Variants in USP15 observed in about 807,000 individuals in gnomAD.
USP15 encodes ubiquitin specific peptidase 15.
In USP15, 18 loss-of-function variants were observed where a neutral mutation model predicts 127.1. The ratio of observed to expected loss-of-function variants is 0.14; its 90% CI spans 0.10 to 0.21. The LOEUF is 0.21. Ranked by LOEUF, USP15 falls within the 10% of genes least tolerant of loss-of-function variation. The pLI is 1.00. For missense variants in USP15, 805 were observed against 1,159.9 expected, an observed-to-expected ratio of 0.69 and a Z score of 4.44; for synonymous variants, 364 against 393.7, an observed-to-expected ratio of 0.92 and a Z score of 0.89.
chr12:62,413,417 C>T lies in USP15; in HGVS notation c.*9042C>T, dbSNP rs771939259. On this transcript the variant is annotated 3_prime_UTR_variant, in exon 22 of 22. Transcript: ENST00000280377. ...TATGAAAGTCCTGGATGACATCTTC[C>T]AACATAAGACTTTCATCTACATTGA... 6.6e-6 allele frequency: 1 copy of T among 152,186 alleles called. No homozygotes were observed. Among genetic ancestry groups the T allele is most frequent in the African/African-American group, 2.4e-5 (1 of 41,424 alleles). 9.4% of individuals were successfully genotyped at this position (152,186 alleles called of 1,614,324 possible). A position where few individuals can be genotyped will look rare whatever the true frequency, so the allele number is the denominator to read the frequency against.
rs2137727754 is a variant in USP15, at chr12:62,415,691, G to A, written c.*11316G>A. The stretch of plus-strand genomic sequence containing the variant: ...TGACTTAAAACTGCATATTTGCTTA[G>A]CAAACCTATGACTTTTCTCAGAATA... On this transcript the variant is annotated 3_prime_UTR_variant, in exon 22 of 22. Transcript: ENST00000280377. 6.6e-6 allele frequency: 1 copy of A among 152,290 alleles called. No homozygotes were observed. Among genetic ancestry groups the A allele is most frequent in the Non-Finnish European group, 1.5e-5 (1 of 68,036 alleles). 9.4% of individuals were successfully genotyped at this position (152,290 alleles called of 1,614,324 possible).
chr12:62,386,062 AAT>A (rs2067138987), intron 11 of USP15, among the ~76,000 whole-genome samples: 1 of 152,006 alleles, frequency 6.6e-6, no homozygotes, highest in Non-Finnish European at 1.5e-5. Flanking sequence ...CAGCAATGTG[AAT>A]TTCATTGACT....
At position 62,389,653 on chromosome 12, in the gene USP15, A is replaced by G. The variant is rs759746285; in HGVS notation, c.1606A>G (p.Met536Val). The change falls in exon 13 of 22, where the codon ATG becomes GTG. Residue 536 changes from methionine (M) to valine (V), a missense_variant. Transcript: ENST00000280377. The stretch of plus-strand genomic sequence containing the variant: ...TCATAGATTTCACAGAATATTCGCT[A>G]TGGATGAAAACCTTAGTAGTATTAT... ...YNHRFHRIFA[M>V]DENLSSIMER... 2 of 1,613,476 alleles carry G rather than the reference A, an allele frequency of 1.2e-6. No individual in the cohort carries two copies. The highest frequency in any genetic ancestry group is 2.2e-5 in the East Asian group (1 of 44,790).
chr12:62,336,213 C>G (rs1438466070), intron 6 of USP15: 1 of 985,310 alleles, frequency 1.0e-6, no homozygotes, highest in African/African-American at 1.7e-5. Context: ...CAAACTGACA[C>G]AAAATATGCC....
intron 6 of USP15, among the ~76,000 whole-genome samples, chr12:62,334,893 C>A (rs1024837086): frequency 2.3e-4 from 35 of 152,112 alleles, no homozygotes; most frequent in Admixed American, 9.2e-4. Context: ...AAGTAAGAGG[C>A]TCAACTTAGC....
intron 6 of USP15, among the ~76,000 whole-genome samples, chr12:62,329,735 G>A (rs1448193913): frequency 6.6e-6 from 1 of 152,146 alleles, no homozygotes; most frequent in African/African-American, 2.4e-5. Flanking sequence ...GAAAGTAAAT[G>A]AGATACAATT....
At chr12:62,260,624 G>A in intron 1 of USP15, 121 bp downstream of exon 1, 4 of 938,574 alleles carry the variant, frequency 4.3e-6, no homozygotes, top group Non-Finnish European at 4.8e-6. Context: ...GGCCGCCGGG[G>A]CAGCGGGATT....
rs2068071472 is a variant in USP15 at position 62,412,949 on chromosome 12, A to C, written c.*8574A>C. 1 of 152,248 alleles carries C rather than the reference A, an allele frequency of 6.6e-6. No homozygotes were observed. The highest frequency in any genetic ancestry group is 1.5e-5 in the Non-Finnish European group (1 of 68,042). 9.4% of individuals were successfully genotyped at this position (152,248 alleles called of 1,614,324 possible). A position where few individuals can be genotyped will look rare whatever the true frequency, so the allele number is the denominator to read the frequency against. On this transcript the variant is annotated 3_prime_UTR_variant, in exon 22 of 22. Transcript: ENST00000280377. The stretch of plus-strand genomic sequence containing the variant: ...TTTTTATTTTGCCCAGATCCATCAG[A>C]GGAATCACTATCTATGAAAGCTTTT...
intron 1 of USP15, among the ~76,000 whole-genome samples, chr12:62,267,550 T>TGC (rs1283778987): frequency 5.3e-5 from 8 of 152,108 alleles, no homozygotes; most frequent in Non-Finnish European, 1.2e-4. Context: ...AGAGTAATGA[T>TGC]GCCTTTTTTT....
chr12:62,381,276 T>G (rs992274975), intron 8 of USP15, among the ~76,000 whole-genome samples: 2 of 152,104 alleles, frequency 1.3e-5, no homozygotes, highest in African/African-American at 4.8e-5. Context: ...ATTAGCATTT[T>G]TATTTATTAT....
At chr12:62,263,167 A>G (rs932081471) in intron 1 of USP15, among the ~76,000 whole-genome samples, 1 of 152,168 alleles carries the variant, frequency 6.6e-6, no homozygotes, top group Non-Finnish European at 1.5e-5. Flanking sequence ...ACTCACTAGA[A>G]AGTTGTTTTT....
At chr12:62,287,334 T>A (rs2063817868) in intron 1 of USP15, among the ~76,000 whole-genome samples, 1 of 152,178 alleles carries the variant, frequency 6.6e-6, no homozygotes, top group African/African-American at 2.4e-5. Context: ...AAATAAAATT[T>A]AAAATTTTTT....
intron 3 of USP15, among the ~76,000 whole-genome samples, chr12:62,313,140 G>A (rs2064732398): frequency 6.6e-6 from 1 of 151,468 alleles, no homozygotes; most frequent in Non-Finnish European, 1.5e-5. Flanking sequence ...ATGTAGGAAA[G>A]AAGAAAAAAA....
At position 62,390,011 on chromosome 12, in the gene USP15, T is replaced by C. The variant is rs765811018; in HGVS notation, c.1844+23T>C. The stretch of plus-strand genomic sequence containing the variant: ...GTGGTAAGTGCCAGACAATTCTACA[T>C]TGACAAAATAAATATGGGAATAAAA... On this transcript the variant is annotated intron_variant, in intron 14 of 21. Transcript: ENST00000280377. The C allele has an allele frequency of 1.8e-5, 28 of 1,541,324 alleles. No homozygotes were observed. The South Asian group carries it at 2.7e-4, about 15-fold the overall frequency.
At chr12:62,277,641 CAGA>C (rs1426204189) in intron 1 of USP15, 1 of 150,668 alleles carries the variant, frequency 6.6e-6, no homozygotes, top group African/African-American at 2.5e-5. Flanking sequence ...TGGGCCAAAT[CAGA>C]AGAAGAATTA....
At chr12:62,282,686 A>C (rs1188770235) in intron 1 of USP15, among the ~76,000 whole-genome samples, 3 of 152,240 alleles carry the variant, frequency 2.0e-5, no homozygotes, top group Non-Finnish European at 2.9e-5. Context: ...TGACTGTTGC[A>C]GTATCACAAT....
intron 1 of USP15, among the ~76,000 whole-genome samples, chr12:62,263,594 C>A (rs1003387037): frequency 6.6e-6 from 1 of 152,168 alleles, no homozygotes. Context: ...GAGAAACATA[C>A]TTTATGATGT....
chr12:62,327,753 C>T (rs949238457), intron 6 of USP15: 2 of 380,156 alleles, frequency 5.3e-6, no homozygotes, highest in African/African-American at 4.4e-5. Context: ...ACACACCATA[C>T]TCATGCAATA....
intron 19 of USP15, among the ~76,000 whole-genome samples, 174 bp from the exon 20 acceptor site, chr12:62,396,121 A>G (rs2067483302): frequency 6.6e-6 from 1 of 151,956 alleles, no homozygotes; most frequent in African/African-American, 2.4e-5. Flanking sequence ...TTGTTTTGTA[A>G]GTTATTTGAC....
Sources: gnomAD v4.1 joint callset for allele counts (sites outside exome capture counted in the v4.1 genomes callset) on GRCh38, gnomAD v4.1.1 for gene constraint, MANE v1.5 for transcripts, NCBI Gene and HGNC (gene_info 2026-07-23, HGNC 2026-07-21) for gene names.